Variants in PEPD observed in about 807,000 individuals in gnomAD.
The protein encoded by PEPD is peptidase D.
PEPD carries 53 observed loss-of-function variants against 60.7 expected under a neutral mutation model. The observed-to-expected ratio is 0.87, with a 90% CI of 0.70 to 1.10. PEPD has a LOEUF of 1.10. Among genes scored for constraint, PEPD ranks in the 50% least tolerant of loss-of-function variants. The pLI is 0.00. For missense variants in PEPD, 711 were observed against 711.9 expected, an observed-to-expected ratio of 1.00 and a Z score of 0.01; for synonymous variants, 267 against 284.1, an observed-to-expected ratio of 0.94 and a Z score of 0.60.
intron 6 of PEPD, among the ~76,000 whole-genome samples, chr19:33,485,543 G>A (rs1970381692): frequency 6.7e-6 from 1 of 148,852 alleles, no homozygotes; most frequent in Non-Finnish European, 1.5e-5. Context: ...TGATATCCAA[G>A]TTAACAGTAA....
intron 9 of PEPD, among the ~76,000 whole-genome samples, chr19:33,438,041 A>G (rs908616736): frequency 6.6e-6 from 1 of 152,244 alleles, no homozygotes; most frequent in Admixed American, 6.5e-5. Context: ...GAGCCGGTGC[A>G]TGAGAGCCAC....
At chr19:33,499,397 T>C (rs1395784615) in intron 4 of PEPD, among the ~76,000 whole-genome samples, 1 of 152,178 alleles carries the variant, frequency 6.6e-6, no homozygotes, top group Non-Finnish European at 1.5e-5. Flanking sequence ...ACCACCACCC[T>C]GCGGTGACTG....
intron 9 of PEPD, among the ~76,000 whole-genome samples, chr19:33,444,984 AG>A (rs1969566875): frequency 6.6e-6 from 1 of 152,184 alleles, no homozygotes; most frequent in South Asian, 2.1e-4. Context: ...CCAGCCCTTC[AG>A]AAAGCTGGAG....
In PEPD at chr19:33,411,747, C is replaced by T. The variant is rs775233434; in HGVS notation, c.743G>A (p.Gly248Asp). The T allele has an allele frequency of 1.9e-6, 3 of 1,600,750 alleles. No homozygotes were observed. The highest frequency in any genetic ancestry group is 3.3e-5 in the Admixed American group (2 of 59,906). The change falls in exon 11 of 15, where the codon GGT becomes GAT. Residue 248 changes from glycine (G) to aspartate (D), a missense_variant and splice_region_variant. Gly to Asp is a moderately conservative substitution (Grantham distance 94, BLOSUM62 -1). Coordinates refer to ENST00000244137, the MANE Select transcript of PEPD (RefSeq NM_000285.4). ...GTAGTGTAGCACGGCTGAGTTCTCACCACTGCAAAGAGCCGGGGGAGGGTG... is the reference window on the plus strand; with the variant it reads ...GTAGTGTAGCACGGCTGAGTTCTCATCACTGCAAAGAGCCGGGGGAGGGTG... ...HSSYTCICGS[G>D]ENSAVLHYGH...
chr19:33,393,265 G>A (rs112991143), intron 12 of PEPD, among the ~76,000 whole-genome samples: 45,737 of 144,138 alleles, frequency 0.32, 7,698 homozygotes, highest in African/African-American at 0.44. Flanking sequence ...CGTGGGGGAG[G>A]GCCCGGGGTC....
At chr19:33,506,832 G>A (rs971217173) in intron 3 of PEPD, among the ~76,000 whole-genome samples, 7 of 128,722 alleles carry the variant, frequency 5.4e-5, no homozygotes, top group African/African-American at 1.2e-4. Context: ...CACAGCACAC[G>A]CACACCCACA....
At chr19:33,396,358 T>C (rs1968360990) in intron 12 of PEPD, among the ~76,000 whole-genome samples, 19 of 151,988 alleles carry the variant, frequency 1.3e-4, no homozygotes, top group Admixed American at 1.2e-3. Context: ...ACATGCCAGG[T>C]GGGCCGGGGC....
intron 5 of PEPD, among the ~76,000 whole-genome samples, chr19:33,491,681 T>C (rs4805896): frequency 0.14 from 21,770 of 152,046 alleles, 2,009 homozygotes; most frequent in Admixed American, 0.23. Flanking sequence ...TTTGTCCCGA[T>C]TGGCTAGCAA....
intron 11 of PEPD, among the ~76,000 whole-genome samples, chr19:33,410,242 A>C (rs1170267436): frequency 6.6e-6 from 1 of 152,200 alleles, no homozygotes; most frequent in Non-Finnish European, 1.5e-5. Flanking sequence ...GGCCCCACCC[A>C]AGGTCTGAGC....
chr19:33,414,361 C>T (rs577099690), intron 9 of PEPD, among the ~76,000 whole-genome samples: 3 of 152,226 alleles, frequency 2.0e-5, no homozygotes, highest in African/African-American at 7.2e-5. Context: ...GAACCTGCAC[C>T]GGGGAGGCCT....
In PEPD at chr19:33,397,609, G is replaced by C. The variant is rs76504033; in HGVS notation, c.967+4112C>G. The stretch of plus-strand genomic sequence containing the variant: ...ACAGCTCAGTGTGGGTGGTAGGTGT[G>C]GGGGGGCTGCTGGGGGGCTGCTCCA... On this transcript the variant is annotated intron_variant, in intron 12 of 14. Coordinates refer to ENST00000244137, the MANE Select transcript of PEPD (RefSeq NM_000285.4). 6.6e-5 allele frequency among the ~76,000 whole-genome samples: 10 copies of C among 151,840 alleles called. 1 individual carries two copies. In the South Asian group the frequency reaches 8.3e-4, roughly 13 times the overall value.
intron 11 of PEPD, among the ~76,000 whole-genome samples, chr19:33,407,384 G>A (rs1241716507): frequency 6.6e-6 from 1 of 152,210 alleles, no homozygotes; most frequent in Non-Finnish European, 1.5e-5. Flanking sequence ...AGTGGCTCTG[G>A]TGCCCACAGC....
intron 12 of PEPD, among the ~76,000 whole-genome samples, chr19:33,392,964 G>T (rs1600076726): frequency 6.6e-6 from 1 of 152,164 alleles, no homozygotes; most frequent in East Asian, 1.9e-4. Context: ...GCGGGCTGGG[G>T]GTGCACGGCT....
intron 7 of PEPD, 83 bp downstream of exon 7, chr19:33,477,963 C>A (rs1046222558): frequency 1.9e-5 from 17 of 900,026 alleles, no homozygotes; most frequent in Non-Finnish European, 3.1e-5. Flanking sequence ...CTCTCTGAGA[C>A]GGTGTGGGCA....
chr19:33,390,250 G>A (rs957202971), intron 13 of PEPD, among the ~76,000 whole-genome samples: 6 of 151,998 alleles, frequency 3.9e-5, no homozygotes, highest in African/African-American at 1.4e-4. Flanking sequence ...TGGAAAAAAA[G>A]CGCTTTGGCG....
intron 4 of PEPD, among the ~76,000 whole-genome samples, chr19:33,496,339 G>A (rs867691674): frequency 5.9e-5 from 9 of 152,090 alleles, no homozygotes; most frequent in African/African-American, 1.4e-4. Context: ...CTTGCAGCCC[G>A]GTGCTCAGAC....
chr19:33,399,743 C>T (rs527982338), intron 12 of PEPD, among the ~76,000 whole-genome samples: 24 of 152,300 alleles, frequency 1.6e-4, no homozygotes, highest in African/African-American at 5.5e-4. Context: ...GTTCTGAGGC[C>T]GCATTCTGGA....
At chr19:33,437,560 T>G (rs1969402405) in intron 9 of PEPD, among the ~76,000 whole-genome samples, 1 of 152,164 alleles carries the variant, frequency 6.6e-6, no homozygotes, top group Admixed American at 6.5e-5. Context: ...ACCAAGCCTC[T>G]AAGCATCATA....
chr19:33,406,491 A>C (rs1968627247), intron 11 of PEPD, among the ~76,000 whole-genome samples: 1 of 152,226 alleles, frequency 6.6e-6, no homozygotes. Context: ...AAGACCGCAG[A>C]GTGCTCAGGG....
Sources: allele counts gnomAD v4.1 joint callset (sites outside exome capture counted in the v4.1 genomes callset), GRCh38; gene constraint gnomAD v4.1.1; transcripts MANE v1.5; gene names NCBI Gene and HGNC (gene_info 2026-07-23, HGNC 2026-07-21).